Variants in PPARGC1A observed in about 807,000 individuals in gnomAD.
The protein encoded by PPARGC1A is PPARG coactivator 1 alpha.
In PPARGC1A, 25 loss-of-function variants were observed where a neutral mutation model predicts 88.7. That is an observed-to-expected ratio of 0.28 (90% CI 0.21 to 0.39). The LOEUF (loss-of-function observed/expected upper bound fraction) is 0.39. PPARGC1A is among the 10% of genes least tolerant of loss of function. The pLI, the probability that PPARGC1A is intolerant of heterozygous loss-of-function variation, is 1.00. For missense variants in PPARGC1A, 880 were observed against 968.7 expected (o/e 0.91, Z 1.22); for synonymous variants, 363 against 355.6 (o/e 1.02, Z -0.24).
chr4:23,795,875 A>C lies in PPARGC1A; in HGVS notation c.2344T>G (p.Ser782Ala), dbSNP rs1717500589. ...TTCAGTAAACTATCAAAATCCAGAG[A>C]GTCATACTTGCTCTTGGTGGAAGCA... ...DPASTKSKYD[S>A]LDFDSLLKEA... Residue 782 changes from serine (S) to alanine (A), a missense_variant, in exon 13 of 13, where the codon TCT becomes GCT. By Grantham distance (99) the Ser-to-Ala change is moderately conservative. Coordinates refer to ENST00000264867, the MANE Select transcript of PPARGC1A (RefSeq NM_013261.5). The C allele has an allele frequency of 6.2e-7, 1 of 1,611,562 alleles. No homozygotes were observed. Among genetic ancestry groups the C allele is most frequent in the Non-Finnish European group, 8.5e-7 (1 of 1,179,134 alleles).
chr4:24,444,440 A>C, the PPARGC1A span, among the ~76,000 whole-genome samples: 3 of 152,130 alleles, frequency 2.0e-5, no homozygotes, highest in Non-Finnish European at 4.4e-5. Context: ...CCAAGCAAAA[A>C]AAATTTAAAA....
At chr4:23,995,238 G>A in the PPARGC1A span, among the ~76,000 whole-genome samples, 21 of 152,064 alleles carry the variant, frequency 1.4e-4, no homozygotes, top group African/African-American at 3.9e-4. Context: ...GGAAAGTCAC[G>A]CAGGTTGACT....
At chr4:24,255,311 T>A in the PPARGC1A span, among the ~76,000 whole-genome samples, 1 of 152,226 alleles carries the variant, frequency 6.6e-6, no homozygotes, top group Admixed American at 6.5e-5. Flanking sequence ...TGCATTTCTA[T>A]TTGCCTCAGT....
At chr4:24,061,677 T>C in the PPARGC1A span, among the ~76,000 whole-genome samples, 1 of 152,212 alleles carries the variant, frequency 6.6e-6, no homozygotes. Context: ...CTGAGGTGTC[T>C]CCAGGCTCTT....
At chr4:24,107,332 G>A in the PPARGC1A span, among the ~76,000 whole-genome samples, 2 of 152,172 alleles carry the variant, frequency 1.3e-5, no homozygotes, top group Non-Finnish European at 2.9e-5. Flanking sequence ...TGTGAGTTGG[G>A]TACAATAGTA....
Position 23,807,896 on chromosome 4 carries a change from T to C in PPARGC1A, c.2019+4851A>G, listed in dbSNP as rs147988301. On this transcript the variant is annotated intron_variant, in intron 10 of 12. Transcript: ENST00000264867. ...CCATAAAACTGAATATTTCTAAATATTGAACTTAGAGTCACAATATAACAT... is the reference window on the plus strand; with the variant it reads ...CCATAAAACTGAATATTTCTAAATACTGAACTTAGAGTCACAATATAACAT... Among the ~76,000 whole-genome samples the C allele has an allele frequency of 1.9e-4, 29 of 152,232 alleles. No homozygotes were observed. The South Asian group carries it at 4.1e-3, about 22-fold the overall frequency.
At position 23,868,677 on chromosome 4, in the gene PPARGC1A, C is replaced by T. The variant is rs143250187; in HGVS notation, c.234+16075G>A. 3.9e-5 allele frequency among the ~76,000 whole-genome samples: 6 copies of T among 152,312 alleles called. No homozygotes were observed. The East Asian group carries it at 1.2e-3, about 29-fold the overall frequency. On this transcript the variant is annotated intron_variant, in intron 2 of 12. Coordinates refer to ENST00000264867, the MANE Select transcript of PPARGC1A (RefSeq NM_013261.5). ...AGATGCTCTTTTGCACATGTGACAACAAAAATTCACTTTGTGCCAAAGACG... is the reference window on the plus strand; with the variant it reads ...AGATGCTCTTTTGCACATGTGACAATAAAAATTCACTTTGTGCCAAAGACG...
At chr4:23,977,858 A>G in the PPARGC1A span, among the ~76,000 whole-genome samples, 1 of 152,236 alleles carries the variant, frequency 6.6e-6, no homozygotes, top group Non-Finnish European at 1.5e-5. Context: ...GGTAAAAACT[A>G]AATGTTTTTC....
chr4:24,321,281 T>G, the PPARGC1A span, among the ~76,000 whole-genome samples: 3 of 152,284 alleles, frequency 2.0e-5, no homozygotes, highest in Admixed American at 6.5e-5. Flanking sequence ...ATTCCAAGCC[T>G]CAGGATGCTT....
the PPARGC1A span, among the ~76,000 whole-genome samples, chr4:24,152,261 G>C: frequency 6.6e-6 from 1 of 152,156 alleles, no homozygotes. Context: ...AAAAGGAGGA[G>C]CTTTCAGGGC....
At chr4:23,797,255 A>G (rs1484823372) in intron 12 of PPARGC1A, among the ~76,000 whole-genome samples, 1 of 152,154 alleles carries the variant, frequency 6.6e-6, no homozygotes, top group African/African-American at 2.4e-5. Flanking sequence ...CTTAAATTAC[A>G]CTGGCTTCAA....
chr4:24,063,965 A>G, the PPARGC1A span, among the ~76,000 whole-genome samples: 3 of 152,202 alleles, frequency 2.0e-5, no homozygotes, highest in South Asian at 6.2e-4. Context: ...TGGCTTCAAC[A>G]TGCTACTCAG....
chr4:23,912,242 G>C, the PPARGC1A span, among the ~76,000 whole-genome samples: 1 of 152,120 alleles, frequency 6.6e-6, no homozygotes, highest in East Asian at 1.9e-4. Context: ...GCTTGTTGCA[G>C]AGTAGGACTT....
chr4:23,881,452 T>C (rs935106496), intron 2 of PPARGC1A: 1 of 152,222 alleles, frequency 6.6e-6, no homozygotes, highest in Non-Finnish European at 1.5e-5. Flanking sequence ...GACATTCAGC[T>C]TCATTTTTTA....
chr4:23,921,943 G>A, the PPARGC1A span, among the ~76,000 whole-genome samples: 1 of 152,184 alleles, frequency 6.6e-6, no homozygotes, highest in Admixed American at 6.5e-5. Context: ...ATTACCCAGG[G>A]ACAGAGAATA....
chr4:24,143,222 A>G, the PPARGC1A span, among the ~76,000 whole-genome samples: 7 of 152,186 alleles, frequency 4.6e-5, no homozygotes, highest in East Asian at 1.4e-3. Flanking sequence ...TTCAGTAAAC[A>G]TTTATGGAGA....
At chr4:24,314,902 C>T in the PPARGC1A span, among the ~76,000 whole-genome samples, 1 of 151,872 alleles carries the variant, frequency 6.6e-6, no homozygotes, top group Non-Finnish European at 1.5e-5. Context: ...TCCTTAGGCT[C>T]TCAGCTTTCC....
At chr4:24,288,311 A>G in the PPARGC1A span, among the ~76,000 whole-genome samples, 1 of 152,314 alleles carries the variant, frequency 6.6e-6, no homozygotes, top group East Asian at 1.9e-4. Flanking sequence ...GGCTTTGAAC[A>G]CATGGTCCTA....
At chr4:23,916,574 A>G in the PPARGC1A span, among the ~76,000 whole-genome samples, 2 of 152,124 alleles carry the variant, frequency 1.3e-5, no homozygotes, top group Non-Finnish European at 2.9e-5. Context: ...TTTTTAAAAA[A>G]AACATATCAT....
Sources: allele counts gnomAD v4.1 joint callset (sites outside exome capture counted in the v4.1 genomes callset), GRCh38; gene constraint gnomAD v4.1.1; transcripts MANE v1.5; gene names NCBI Gene and HGNC (gene_info 2026-07-23, HGNC 2026-07-21).